TMEFF1: variants seen among roughly 807,000 people sequenced by gnomAD.
TMEFF1 encodes transmembrane protein with EGF like and two follistatin like domains 1, also known as tomoregulin-1.
In TMEFF1, 20 loss-of-function variants were observed where a neutral mutation model predicts 47.5. The observed-to-expected ratio is 0.42, with a 90% CI of 0.30 to 0.61. The LOEUF is 0.61. TMEFF1 is among the 20% of genes least tolerant of loss of function. TMEFF1 has a pLI of 0.19. For missense variants in TMEFF1, 411 were observed against 471.1 expected (o/e 0.87, Z 1.18); for synonymous variants, 162 against 166.3 (o/e 0.97, Z 0.20).
intron 5 of TMEFF1, among the ~76,000 whole-genome samples, chr9:100,544,620 G>C (rs1838698187): frequency 1.3e-5 from 2 of 152,134 alleles, no homozygotes; most frequent in African/African-American, 4.8e-5. Flanking sequence ...CAAATCTCAT[G>C]TCCTCACATT....
Position 100,538,430 on chromosome 9 carries a change from C to T in TMEFF1, c.561-9314C>T, listed in dbSNP as rs544281466. Among the ~76,000 whole-genome samples, 195 of 152,252 alleles carry T rather than the reference C, an allele frequency of 1.3e-3. 1 individual carries two copies. The highest frequency in any genetic ancestry group is 4.5e-3 in the African/African-American group (186 of 41,552). On this transcript the variant is annotated intron_variant, in intron 5 of 9. Coordinates refer to ENST00000374879, the MANE Select transcript of TMEFF1 (RefSeq NM_003692.5). The stretch of plus-strand genomic sequence containing the variant: ...TCGTTCTGATACTCCCCTCAAATAC[C>T]AAAATCTCAGGATGCTCAAAGCCCT...
intron 1 of TMEFF1, among the ~76,000 whole-genome samples, chr9:100,484,533 G>C (rs192055932): frequency 1.3e-5 from 2 of 151,988 alleles, no homozygotes; most frequent in African/African-American, 4.8e-5. Flanking sequence ...TGTCCAGGCT[G>C]GTCTTGAACT....
At chr9:100,490,311 T>G (rs761039616) in intron 1 of TMEFF1, among the ~76,000 whole-genome samples, 49 of 152,240 alleles carry the variant, frequency 3.2e-4, no homozygotes, top group Non-Finnish European at 4.3e-4. Flanking sequence ...AGAAGATAAC[T>G]AATATGATTA....
intron 1 of TMEFF1, among the ~76,000 whole-genome samples, chr9:100,490,397 A>G (rs115438147): frequency 2.5e-4 from 38 of 152,170 alleles, no homozygotes; most frequent in Middle Eastern, 3.4e-3. Flanking sequence ...TGCTAAATCT[A>G]TTGCTTGATT....
intron 1 of TMEFF1, among the ~76,000 whole-genome samples, chr9:100,496,853 A>G (rs1215958801): frequency 1.3e-5 from 2 of 152,254 alleles, no homozygotes; most frequent in Non-Finnish European, 2.9e-5. Context: ...GCCTACAGAG[A>G]AAGGAGAAAA....
At position 100,489,003 on chromosome 9, in the gene TMEFF1, A is replaced by G. The variant is rs957638097; in HGVS notation, c.197-9762A>G. ...ACTATATTGTGCAGTGATCATCACTATCTACCATCTAATTATAGAACATTT... is the reference window on the plus strand; with the variant it reads ...ACTATATTGTGCAGTGATCATCACTGTCTACCATCTAATTATAGAACATTT... On this transcript the variant is annotated intron_variant, in intron 1 of 9. Transcript: ENST00000374879. Among the ~76,000 whole-genome samples the G allele has an allele frequency of 7.9e-5, 12 of 152,260 alleles. No homozygotes were observed. In the South Asian group the frequency reaches 2.3e-3, roughly 29 times the overall value.
chr9:100,559,898 C>T (rs1838982370), intron 7 of TMEFF1, among the ~76,000 whole-genome samples: 1 of 152,006 alleles, frequency 6.6e-6, no homozygotes, highest in African/African-American at 2.4e-5. Context: ...TCATTTTGGT[C>T]TGATTTCTCT....
intron 8 of TMEFF1, among the ~76,000 whole-genome samples, chr9:100,566,047 G>A (rs183333476): frequency 6.6e-6 from 1 of 152,270 alleles, no homozygotes; most frequent in South Asian, 2.1e-4. Flanking sequence ...CAGTGCATTT[G>A]ACACACTTGT....
At chr9:100,576,087 T>C (rs575319268) in intron 9 of TMEFF1, among the ~76,000 whole-genome samples, 2 of 152,272 alleles carry the variant, frequency 1.3e-5, no homozygotes, top group South Asian at 4.1e-4. Context: ...ATCTAAGCTC[T>C]TCTTGTCATT....
intron 1 of TMEFF1, among the ~76,000 whole-genome samples, chr9:100,489,434 T>C (rs1045994011): frequency 3.9e-5 from 6 of 152,204 alleles, no homozygotes; most frequent in Non-Finnish European, 7.3e-5. Flanking sequence ...CAAGCAATCC[T>C]CCTGCCTTGG....
chr9:100,516,882 A>ATT, intron 5 of TMEFF1, 111 bp downstream of exon 5: 14 of 1,213,628 alleles, frequency 1.2e-5, no homozygotes, highest in East Asian at 6.2e-5. Context: ...GTGTTTTCAA[A>ATT]TTTTTTTTTT....
At chr9:100,554,138 C>T (rs959322593) in intron 7 of TMEFF1, among the ~76,000 whole-genome samples, 2 of 152,192 alleles carry the variant, frequency 1.3e-5, no homozygotes, top group African/African-American at 4.8e-5. Flanking sequence ...ATTAGTCTCT[C>T]CTCCTGCAGC....
At chr9:100,561,668 T>G in intron 8 of TMEFF1, 148 bp downstream of exon 8, 2 of 1,292,614 alleles carry the variant, frequency 1.5e-6, no homozygotes, top group Non-Finnish European at 2.0e-6. Context: ...GCAGCATCAT[T>G]TGGAAAAAAA....
intron 5 of TMEFF1, among the ~76,000 whole-genome samples, chr9:100,535,135 A>G (rs1016823258): frequency 3.3e-5 from 5 of 152,146 alleles, no homozygotes; most frequent in Non-Finnish European, 5.9e-5. Flanking sequence ...CCATCTATAT[A>G]TATATTTTTA....
chr9:100,565,480 G>A (rs555602977), intron 8 of TMEFF1, among the ~76,000 whole-genome samples: 3 of 152,198 alleles, frequency 2.0e-5, no homozygotes, highest in African/African-American at 4.8e-5. Flanking sequence ...GCACACCACC[G>A]GTTAACTCGT....
chr9:100,508,862 T>C lies in TMEFF1; in HGVS notation c.307-143T>C. The C allele has an allele frequency of 2.7e-6, 3 of 1,129,648 alleles. No individual in the cohort carries two copies. The South Asian group carries it at 1.3e-4, about 47-fold the overall frequency. The allele number at this position is 1,129,648 out of a possible 1,614,324, so 70.0% of individuals were successfully genotyped here. ...AAGGTATGAAGAAGTAGCATAATTC[T>C]TTTTAAGCCAAAAAAAAAAAAAAAC... On this transcript the variant is annotated intron_variant, in intron 2 of 9. Coordinates refer to ENST00000374879, the MANE Select transcript of TMEFF1 (RefSeq NM_003692.5).
chr9:100,483,500 A>AAAACAAACAAACAAACAAAC (rs57384867), intron 1 of TMEFF1, among the ~76,000 whole-genome samples: 1 of 150,492 alleles, frequency 6.6e-6, no homozygotes, highest in Non-Finnish European at 1.5e-5. Context: ...AACATCTCAA[A>AAAACAAACAAACAAACAAAC]AAACAAACAA....
intron 1 of TMEFF1, among the ~76,000 whole-genome samples, chr9:100,482,167 T>C (rs1837353925): frequency 6.6e-6 from 1 of 151,920 alleles, no homozygotes; most frequent in Admixed American, 6.6e-5. Context: ...TGCCGACTCT[T>C]CTTCTTCTTC....
At chr9:100,574,653 G>T (rs1839314235) in intron 9 of TMEFF1, among the ~76,000 whole-genome samples, 2 of 151,880 alleles carry the variant, frequency 1.3e-5, no homozygotes, top group African/African-American at 4.8e-5. Flanking sequence ...CTGGGATTGT[G>T]CCCAGCCAGA....
Sources: allele counts gnomAD v4.1 joint callset (sites outside exome capture counted in the v4.1 genomes callset), GRCh38; gene constraint gnomAD v4.1.1; transcripts MANE v1.5; gene names NCBI Gene and HGNC (gene_info 2026-07-23, HGNC 2026-07-21).